The following TTC27 variants were observed in gnomAD, a reference collection of about 807,000 sequenced individuals.
TTC27 encodes the protein tetratricopeptide repeat domain 27.
A neutral mutation model predicts 115.9 loss-of-function variants in TTC27; 79 were observed. The observed-to-expected ratio is 0.68, with a 90% confidence interval of 0.57 to 0.82. The LOEUF is 0.82. Ranked by LOEUF, TTC27 falls within the 40% of genes least tolerant of loss-of-function variation. TTC27 has a pLI of 0.00. For synonymous variants in TTC27, 401 were observed against 356.0 expected, an observed-to-expected ratio of 1.13 and a Z score of -1.42; for missense variants, 1,054 against 993.1, an observed-to-expected ratio of 1.06 and a Z score of -0.82.
chr2:32,628,239 A>C lies in TTC27; in HGVS notation c.-54A>C, dbSNP rs2063524599. The C allele has an allele frequency of 6.5e-7, 1 of 1,531,314 alleles. No individual in the cohort carries two copies. The highest frequency in any genetic ancestry group is 8.9e-7 in the Non-Finnish European group (1 of 1,123,006). 94.9% of individuals were successfully genotyped at this position (1,531,314 alleles called of 1,614,324 possible). On this transcript the variant is annotated 5_prime_UTR_variant, in exon 1 of 20. Coordinates refer to ENST00000317907, the MANE Select transcript of TTC27 (RefSeq NM_017735.5). ...CTCCTGTTTTCACTTTCTTTTGTTG[A>C]CTCCCGTGTGGCCCTCGTGGGAGCC...
At position 32,669,191 on chromosome 2, in the gene TTC27, C is replaced by T. The variant is rs150828643; in HGVS notation, c.939+2423C>T. Among the ~76,000 whole-genome samples the T allele has an allele frequency of 4.6e-5, 7 of 152,202 alleles. No homozygotes were observed. The East Asian group carries it at 7.7e-4, about 17-fold the overall frequency. The stretch of plus-strand genomic sequence containing the variant: ...ATTTTTGGTAGAGATGGGGTTTCAC[C>T]GTGTTGCCCAGGCTGGTCTCGAACT... On this transcript the variant is annotated intron_variant, in intron 7 of 19. Coordinates refer to ENST00000317907, the MANE Select transcript of TTC27 (RefSeq NM_017735.5).
intron 16 of TTC27, among the ~76,000 whole-genome samples, chr2:32,807,733 C>A (rs1671178700): frequency 6.6e-6 from 1 of 152,058 alleles, no homozygotes; most frequent in African/African-American, 2.4e-5. Flanking sequence ...CTCCTGCCTT[C>A]CTTGTTCTGG....
intron 9 of TTC27, among the ~76,000 whole-genome samples, chr2:32,701,779 C>T (rs931640717): frequency 2.0e-5 from 3 of 151,904 alleles, no homozygotes; most frequent in Admixed American, 2.0e-4. Flanking sequence ...TGAGAATTAC[C>T]TGGGGGGTAT....
intron 10 of TTC27, among the ~76,000 whole-genome samples, chr2:32,725,364 A>G (rs1038150475): frequency 1.3e-5 from 2 of 152,160 alleles, no homozygotes; most frequent in Non-Finnish European, 2.9e-5. Flanking sequence ...CCTAGATGCA[A>G]TTGGGGTGCA....
intron 4 of TTC27, among the ~76,000 whole-genome samples, chr2:32,646,720 C>T (rs888555622): frequency 4.0e-5 from 6 of 151,674 alleles, no homozygotes; most frequent in East Asian, 1.9e-4. Flanking sequence ...CCCACCAGTA[C>T]GCCCAGCTAA....
At chr2:32,756,813 C>T (rs530607596) in intron 12 of TTC27, among the ~76,000 whole-genome samples, 10 of 152,260 alleles carry the variant, frequency 6.6e-5, no homozygotes, top group African/African-American at 1.9e-4. Flanking sequence ...TACGTGAAGG[C>T]GTGTGTGTGA....
rs77087738 is a variant in TTC27 at position 32,769,841 on chromosome 2, A to G, written c.1681-8041A>G. Among the ~76,000 whole-genome samples the G allele has an allele frequency of 7.4e-3, 1,129 of 152,338 alleles. 16 individuals are homozygous for G. Among genetic ancestry groups the G allele is most frequent in the African/African-American group, 0.026 (1,079 of 41,570 alleles). On this transcript the variant is annotated intron_variant, in intron 13 of 19. Coordinates refer to ENST00000317907, the MANE Select transcript of TTC27 (RefSeq NM_017735.5). ...ATACAGGAGAATTGTGTTAAGACAC[A>G]GACTCCTGCCCTCCAGGGGTTTATA...
In TTC27 at chr2:32,777,924, G is replaced by A. The variant is rs1319949712; in HGVS notation, c.1723G>A (p.Glu575Lys). The A allele has an allele frequency of 1.2e-6, 2 of 1,614,032 alleles. No homozygotes were observed. The highest frequency in any genetic ancestry group is 3.3e-5 in the Admixed American group (2 of 60,010). ...TCTCGGTTGTGCCTATTTGGCCTTG[G>A]AAGACTATCAAGGTTCAGCAAAGGC... ...FSLGCAYLALEDYQGSAKAFQ... is the reference protein window; with the variant it reads ...FSLGCAYLALKDYQGSAKAFQ... The change falls in exon 14 of 20, where the codon GAA (glutamate) becomes AAA (lysine). Residue 575 changes from glutamate to lysine, a missense_variant. Coordinates refer to ENST00000317907, the MANE Select transcript of TTC27 (RefSeq NM_017735.5).
At chr2:32,753,066 T>A (rs1356620318) in intron 12 of TTC27, among the ~76,000 whole-genome samples, 1 of 152,166 alleles carries the variant, frequency 6.6e-6, no homozygotes, top group Non-Finnish European at 1.5e-5. Context: ...GTAGTTGCAA[T>A]CAGATGGTGC....
rs1365681937 is a variant in TTC27 at position 32,664,573 on chromosome 2, C to T, written c.805+106C>T. 3 of 981,512 alleles carry T rather than the reference C, an allele frequency of 3.1e-6. No homozygotes were observed. The African/African-American group carries it at 5.0e-5, about 16-fold the overall frequency. The allele number at this position is 981,512 out of a possible 1,614,324, so 60.8% of individuals were successfully genotyped here. A position where few individuals can be genotyped will look rare whatever the true frequency, so the allele number is the denominator to read the frequency against. ...TATTAGATTTTCTATATCCTATTTG[C>T]TTTACAAAAGTAGACTTTAAAGGTT... is the stretch of plus-strand genomic sequence containing the variant. On this transcript the variant is annotated intron_variant, in intron 6 of 19. Transcript: ENST00000317907.
At chr2:32,806,848 A>G (rs1233445218) in intron 16 of TTC27, among the ~76,000 whole-genome samples, 1 of 152,206 alleles carries the variant, frequency 6.6e-6, no homozygotes, top group East Asian at 1.9e-4. Context: ...TCATTTATTA[A>G]TGTACTTAAA....
At chr2:32,758,779 G>A (rs1669334042) in intron 13 of TTC27, among the ~76,000 whole-genome samples, 1 of 151,804 alleles carries the variant, frequency 6.6e-6, no homozygotes, top group South Asian at 2.1e-4. Context: ...GTCCTTAACT[G>A]ACATACAACT....
intron 10 of TTC27, among the ~76,000 whole-genome samples, chr2:32,730,892 G>T (rs900589945): frequency 1.3e-5 from 2 of 152,074 alleles, no homozygotes; most frequent in African/African-American, 2.4e-5. Flanking sequence ...AAAGTGCTGG[G>T]ATTACAGGCA....
intron 16 of TTC27, among the ~76,000 whole-genome samples, chr2:32,804,825 T>A (rs896650229): frequency 9.2e-5 from 14 of 152,114 alleles, no homozygotes; most frequent in African/African-American, 3.4e-4. Context: ...GTTAGTAGTG[T>A]TTGTGATTGG....
At chr2:32,737,523 T>C (rs1173271899) in intron 12 of TTC27, among the ~76,000 whole-genome samples, 2 of 152,152 alleles carry the variant, frequency 1.3e-5, no homozygotes, top group Admixed American at 1.3e-4. Context: ...AGTCAACCTT[T>C]TGCCATCACC....
chr2:32,683,378 A>C (rs1331883165), intron 9 of TTC27, among the ~76,000 whole-genome samples: 1 of 152,206 alleles, frequency 6.6e-6, no homozygotes, highest in Non-Finnish European at 1.5e-5. Flanking sequence ...ATATTTATTG[A>C]ATAAATAAAT....
intron 10 of TTC27, among the ~76,000 whole-genome samples, chr2:32,724,167 A>G (rs561213282): frequency 6.6e-6 from 1 of 152,022 alleles, no homozygotes; most frequent in East Asian, 1.9e-4. Flanking sequence ...TTTGGGAGAA[A>G]ATTGGAGGTA....
At chr2:32,695,061 C>A (rs1344095955) in intron 9 of TTC27, among the ~76,000 whole-genome samples, 1 of 152,098 alleles carries the variant, frequency 6.6e-6, no homozygotes, top group Non-Finnish European at 1.5e-5. Context: ...AATGTACCAT[C>A]TTAACCATTT....
intron 16 of TTC27, among the ~76,000 whole-genome samples, chr2:32,789,921 C>CAAAAAAAAAA (rs34859954): frequency 1.2e-4 from 3 of 25,956 alleles, no homozygotes; most frequent in African/African-American, 1.8e-4. Context: ...ACCCTGTCTC[C>CAAAAAAAAAA]AAAAAAAAAA....
Sources: allele counts gnomAD v4.1 joint callset (sites outside exome capture counted in the v4.1 genomes callset), GRCh38; gene constraint gnomAD v4.1.1; transcripts MANE v1.5; gene names NCBI Gene and HGNC (gene_info 2026-07-23, HGNC 2026-07-21).